The following SLAIN2 variants were observed in gnomAD, a reference collection of about 807,000 sequenced individuals.
SLAIN2 encodes SLAIN family member 2.
Under a neutral mutation model 56.6 loss-of-function variants are expected in SLAIN2, and 31 were observed. The observed-to-expected ratio is 0.55, with a 90% confidence interval of 0.41 to 0.74. The LOEUF is 0.74. Among genes scored for constraint, SLAIN2 ranks in the 30% least tolerant of loss-of-function variants. SLAIN2 has a pLI of 0.00. For missense variants in SLAIN2, 777 were observed against 754.2 expected, an observed-to-expected ratio of 1.03 and a Z score of -0.35; for synonymous variants, 317 against 284.9, an observed-to-expected ratio of 1.11 and a Z score of -1.13.
intron 1 of SLAIN2, among the ~76,000 whole-genome samples, chr4:48,360,748 TTAG>T (rs1164082978): frequency 6.6e-6 from 1 of 152,216 alleles, no homozygotes. Context: ...CCTGTGCTCA[TTAG>T]TAGTCATTTC....
At chr4:48,349,500 G>A (rs1714955292) in intron 1 of SLAIN2, among the ~76,000 whole-genome samples, 1 of 152,208 alleles carries the variant, frequency 6.6e-6, no homozygotes, top group African/African-American at 2.4e-5. Flanking sequence ...CTGTCTAGAT[G>A]TAGTGTGTGA....
chr4:48,399,038 C>A (rs1716481739), intron 6 of SLAIN2, among the ~76,000 whole-genome samples: 1 of 152,004 alleles, frequency 6.6e-6, no homozygotes, highest in African/African-American at 2.4e-5. Context: ...TAAAGAATGT[C>A]AGTGGTAGTT....
At chr4:48,384,419 AC>A (rs1420357709) in intron 6 of SLAIN2, among the ~76,000 whole-genome samples, 2 of 152,222 alleles carry the variant, frequency 1.3e-5, no homozygotes, top group Non-Finnish European at 2.9e-5. Flanking sequence ...ATGAAAAAAT[AC>A]AATATTGAAT....
chr4:48,357,940 C>T (rs1428681365), intron 1 of SLAIN2, among the ~76,000 whole-genome samples: 2 of 152,092 alleles, frequency 1.3e-5, no homozygotes, highest in South Asian at 2.1e-4. Context: ...CTCAAGTGAC[C>T]CTCCCACCTC....
At chr4:48,400,317 G>T (rs1396910626) in intron 6 of SLAIN2, among the ~76,000 whole-genome samples, 2 of 150,666 alleles carry the variant, frequency 1.3e-5, no homozygotes, top group East Asian at 3.9e-4. Context: ...TTATCTGATG[G>T]TTGTTTGTAT....
In SLAIN2 at chr4:48,409,904, G is replaced by T. The variant is rs376381856; in HGVS notation, c.1361-10221G>T. ...ATCTCAAAATAATAATAATAATAAT[G>T]CTGTGAACATTCATGTACAAGTGTT... is the stretch of plus-strand genomic sequence containing the variant. On this transcript the variant is annotated intron_variant, in intron 6 of 7. Coordinates refer to ENST00000264313, the MANE Select transcript of SLAIN2 (RefSeq NM_020846.2). 2.6e-5 allele frequency among the ~76,000 whole-genome samples: 4 copies of T among 152,170 alleles called. No individual in the cohort carries two copies. In the South Asian group the frequency reaches 6.2e-4, roughly 24 times the overall value.
chr4:48,389,115 A>G (rs1716169547), intron 6 of SLAIN2, among the ~76,000 whole-genome samples: 1 of 152,212 alleles, frequency 6.6e-6, no homozygotes, highest in African/African-American at 2.4e-5. Context: ...TAAATAAGTC[A>G]TGATTAATAT....
chr4:48,363,141 A>C (rs1715380423), intron 1 of SLAIN2, among the ~76,000 whole-genome samples: 1 of 40,812 alleles, frequency 2.5e-5, no homozygotes, highest in Non-Finnish European at 5.8e-5. Flanking sequence ...AATAAAATGA[A>C]AAGTCTCCCA....
intron 1 of SLAIN2, among the ~76,000 whole-genome samples, chr4:48,365,974 A>G (rs1715510843): frequency 6.6e-6 from 1 of 152,190 alleles, no homozygotes; most frequent in Non-Finnish European, 1.5e-5. Context: ...TTCTCTAAGC[A>G]CTTTTTTAGC....
rs769643678 is a variant in SLAIN2 at position 48,369,988 on chromosome 4, A to G, written c.529A>G (p.Thr177Ala). ...KKSLIHKLDQTMSALKRQNLY... is the reference protein window; with the variant it reads ...KKSLIHKLDQAMSALKRQNLY... ...ATCTCTTATCCACAAACTTGATCAA[A>G]CTATGTCAGGTATGTCTATAATTTT... Residue 177 changes from threonine to alanine, a missense_variant, in exon 2 of 8, where the codon ACT (threonine) becomes GCT (alanine). Coordinates refer to ENST00000264313, the MANE Select transcript of SLAIN2 (RefSeq NM_020846.2). The G allele has an allele frequency of 1.2e-6, 2 of 1,613,226 alleles. No individual in the cohort carries two copies. The highest frequency in any genetic ancestry group is 1.7e-5 in the Admixed American group (1 of 59,932).
At chr4:48,384,811 C>T (rs1004483139) in intron 6 of SLAIN2, among the ~76,000 whole-genome samples, 4 of 152,240 alleles carry the variant, frequency 2.6e-5, no homozygotes, top group African/African-American at 9.6e-5. Flanking sequence ...TCCTTAAAAA[C>T]CTCACATTCT....
intron 6 of SLAIN2, chr4:48,394,709 T>G (rs1716333521): frequency 6.9e-7 from 1 of 1,450,346 alleles, no homozygotes; most frequent in African/African-American, 1.4e-5. Context: ...AGTTAAATCT[T>G]AAGCCATTTG....
At chr4:48,394,928 C>CT (rs1483056214) in intron 6 of SLAIN2, among the ~76,000 whole-genome samples, 1 of 152,162 alleles carries the variant, frequency 6.6e-6, no homozygotes, top group Admixed American at 6.5e-5. Context: ...ATCATTTCAA[C>CT]TTTTTGCCAA....
At chr4:48,366,837 A>G (rs970886003) in intron 1 of SLAIN2, among the ~76,000 whole-genome samples, 7 of 152,182 alleles carry the variant, frequency 4.6e-5, no homozygotes, top group Non-Finnish European at 4.4e-5. Context: ...TTAAGCAAGT[A>G]AAAACTTGTT....
chr4:48,371,047 A>G (rs911228851), intron 2 of SLAIN2, among the ~76,000 whole-genome samples: 10 of 152,080 alleles, frequency 6.6e-5, no homozygotes, highest in African/African-American at 1.7e-4. Context: ...TTTTGACACT[A>G]AAGTATTACT....
intron 6 of SLAIN2, among the ~76,000 whole-genome samples, chr4:48,397,642 T>C (rs1195100651): frequency 6.6e-6 from 1 of 152,112 alleles, no homozygotes; most frequent in Non-Finnish European, 1.5e-5. Context: ...TTAGCTATTC[T>C]TCCTGATGCT....
chr4:48,422,142 AC>A lies in SLAIN2; in HGVS notation c.*66del. 1 of 1,258,988 alleles carries A rather than the reference AC, an allele frequency of 7.9e-7. No individual in the cohort carries two copies. The highest frequency in any genetic ancestry group is 1.9e-4 in the Middle Eastern group (1 of 5,392). 78.0% of individuals were successfully genotyped at this position (1,258,988 alleles called of 1,614,324 possible). On this transcript the variant is annotated 3_prime_UTR_variant, in exon 8 of 8. Transcript: ENST00000264313. ...ATACCCTTCACCAGGCTAAAAAACA[AC>A]TTTTATATGCAGACTGTTCAGATAA...
Position 48,382,709 on chromosome 4 carries a change from T to C in SLAIN2, c.1004T>C (p.Val335Ala), listed in dbSNP as rs1164513630. The C allele has an allele frequency of 1.9e-6, 3 of 1,613,806 alleles. No homozygotes were observed. The highest frequency in any genetic ancestry group is 2.2e-5 in the South Asian group (2 of 91,076). Residue 335 changes from valine to alanine, a missense_variant, in exon 5 of 8, where the codon GTA becomes GCA. Coordinates refer to ENST00000264313, the MANE Select transcript of SLAIN2 (RefSeq NM_020846.2). ...GAAGATGACAATATGCATCATGCAG[T>C]ATACCCTGCTGTTAACAGGTTTTCA... ...DDEDDNMHHA[V>A]YPAVNRFSPS...
intron 1 of SLAIN2, among the ~76,000 whole-genome samples, chr4:48,369,381 C>T (rs9999482): frequency 0.29 from 43,725 of 151,924 alleles, 6,548 homozygotes; most frequent in South Asian, 0.48. Context: ...AACACATTGT[C>T]GTTTGAAAAG....
Sources: gnomAD v4.1 joint callset for allele counts (sites outside exome capture counted in the v4.1 genomes callset) on GRCh38, gnomAD v4.1.1 for gene constraint, MANE v1.5 for transcripts, NCBI Gene and HGNC (gene_info 2026-07-23, HGNC 2026-07-21) for gene names.